OSBPL7: variants seen among roughly 807,000 people sequenced by gnomAD.
OSBPL7 encodes the protein oxysterol-binding protein-related protein 7.
Under a neutral mutation model 115.8 loss-of-function variants are expected in OSBPL7, and 66 were observed. That is an observed-to-expected ratio of 0.57 (90% CI 0.47 to 0.70). The LOEUF (loss-of-function observed/expected upper bound fraction) is 0.70, where lower values mean the gene tolerates loss of function less well. Ranked by LOEUF, OSBPL7 falls within the 30% of genes least tolerant of loss-of-function variation. OSBPL7 has a pLI of 0.00. For missense variants in OSBPL7, 902 were observed against 1,125.5 expected (o/e 0.80, Z 2.84); for synonymous variants, 441 against 439.2 (o/e 1.00, Z -0.05).
At position 47,814,536 on chromosome 17, in the gene OSBPL7, C is replaced by T. The variant is rs1178842901; in HGVS notation, c.1336G>A (p.Glu446Lys). 2 of 1,612,168 alleles carry T rather than the reference C, an allele frequency of 1.2e-6. No homozygotes were observed. Among genetic ancestry groups the T allele is most frequent in the Non-Finnish European group, 1.7e-6 (2 of 1,178,960 alleles). The change falls in exon 14 of 23, where the codon GAG becomes AAG. Residue 446 changes from glutamate (E) to lysine (K), a missense_variant. This residue lies in a region of OSBPL7 where 667 missense variants were observed against 788.7 expected (regional missense o/e 0.85). Coordinates refer to ENST00000007414, the MANE Select transcript of OSBPL7 (RefSeq NM_145798.3). ...CAGCTGGCACCTTTCTGACAGCGCT[C>T]AGCTCCCCTGAGGTCCAGCATCTCC... ...SEEMLDLRGA[E>K]RCQKGGCVPG...
chr17:47,807,951 A>C lies in OSBPL7; in HGVS notation c.*340T>G. 1 of 331,040 alleles carries C rather than the reference A, an allele frequency of 3.0e-6. No homozygotes were observed. The highest frequency in any genetic ancestry group is 5.8e-6 in the Non-Finnish European group (1 of 173,046). 20.5% of individuals were successfully genotyped at this position (331,040 alleles called of 1,614,324 possible). On this transcript the variant is annotated 3_prime_UTR_variant, in exon 23 of 23. Transcript: ENST00000007414. ...GTCAAGGAGTCCCCTGTGTCCTAGG[A>C]AGGCACTGAAATAGGGAACAGATCC... is the stretch of plus-strand genomic sequence containing the variant.
Position 47,816,498 on chromosome 17 carries a change from C to A in OSBPL7, c.929-16G>T. 2 of 1,552,210 alleles carry A rather than the reference C, an allele frequency of 1.3e-6. No homozygotes were observed. Among genetic ancestry groups the A allele is most frequent in the Non-Finnish European group, 8.7e-7 (1 of 1,147,954 alleles). On this transcript the variant is annotated splice_polypyrimidine_tract_variant and intron_variant, in intron 10 of 22. Transcript: ENST00000007414. The surrounding 1 kb of genome is among the most constrained non-coding windows in gnomAD (Gnocchi z 5.8). ...GAGCTGTGCACTACAGGGAGTGGGG[C>A]AGACCATCAGAGTCCTCGCTCGCTC...
intron 7 of OSBPL7, among the ~76,000 whole-genome samples, 193 bp downstream of exon 7, chr17:47,818,076 C>T (rs2033280307): frequency 6.6e-6 from 1 of 152,338 alleles, no homozygotes; most frequent in South Asian, 2.1e-4. Context: ...TCTATGTGCC[C>T]AGGCAGACTC....
Position 47,814,530 on chromosome 17 carries a change from A to G in OSBPL7, c.1342T>C (p.Cys448Arg). Residue 448 changes from cysteine (C) to arginine (R), a missense_variant, in exon 14 of 23, where the codon TGT (cysteine) becomes CGT (arginine). Physicochemically the swap from Cys to Arg is radical, Grantham distance 180 (BLOSUM62 -3). Transcript: ENST00000007414. ...EMLDLRGAER[C>R]QKGGCVPGRP... ...CCCACCCAGCTGGCACCTTTCTGAC[A>G]GCGCTCAGCTCCCCTGAGGTCCAGC... The G allele has an allele frequency of 1.3e-6, 2 of 1,567,728 alleles. No homozygotes were observed. The highest frequency in any genetic ancestry group is 1.7e-6 in the Non-Finnish European group (2 of 1,155,258).
At chr17:47,819,921 T>TGCC in intron 3 of OSBPL7, 50 bp downstream of exon 3, 27 of 1,343,802 alleles carry the variant, frequency 2.0e-5, no homozygotes, top group Non-Finnish European at 2.6e-5. Context: ...TGCCCCCCAT[T>TGCC]CCCACCCCGC....
intron 19 of OSBPL7, 29 bp downstream of exon 19, chr17:47,809,305 G>T: frequency 6.2e-7 from 1 of 1,611,576 alleles, no homozygotes; most frequent in South Asian, 1.1e-5. Flanking sequence ...GCCGGGGATG[G>T]ATGGGCAGGG....
At position 47,808,502 on chromosome 17, in the gene OSBPL7, T is replaced by TG. The variant is rs781028674; in HGVS notation, c.2420+35dup. 6.2e-7 allele frequency: 1 copy of TG among 1,614,094 alleles called. No homozygotes were observed. Among genetic ancestry groups the TG allele is most frequent in the Non-Finnish European group, 8.5e-7 (1 of 1,179,962 alleles). On this transcript the variant is annotated intron_variant, in intron 22 of 22. Transcript: ENST00000007414. This position sits in a 1 kb window ranked among gnomAD's most constrained non-coding sequence, Gnocchi z 6.1. ...CCTGCCCTGCTCCAAGCAGGGCTCA[T>TG]GGGGAGACCCAGGGCGGAGGGCGAG...
chr17:47,811,301 C>T (rs1176313379), intron 16 of OSBPL7, among the ~76,000 whole-genome samples: 2 of 152,058 alleles, frequency 1.3e-5, no homozygotes, highest in African/African-American at 4.8e-5. Context: ...CATCTGGAGC[C>T]TTCAATTCCA....
rs2033301187 is a variant in OSBPL7 at position 47,818,563 on chromosome 17, G to A, written c.423C>T (p.Arg141=). ...QSWVAQLRAH[R]LAHRLDMPRG... ...GGGGCATGTCCAGGCGGTGGGCTAG[G>A]CGGTGGGCACGCAGCTGCGCCACCC... The change falls in exon 6 of 23, where the codon CGC becomes CGT. Residue 141 remains arginine, a synonymous_variant. Transcript: ENST00000007414. 6.2e-7 allele frequency: 1 copy of A among 1,612,496 alleles called. No homozygotes were observed. Among genetic ancestry groups the A allele is most frequent in the African/African-American group, 1.3e-5 (1 of 75,050 alleles).
At chr17:47,811,185 T>C (rs983632153) in intron 16 of OSBPL7, among the ~76,000 whole-genome samples, 5 of 151,474 alleles carry the variant, frequency 3.3e-5, no homozygotes, top group African/African-American at 1.2e-4. Flanking sequence ...ATGACCCTCT[T>C]CCCCACCATC....
rs1263865650 is a variant in OSBPL7, at chr17:47,808,832, T to C, written c.2297+32A>G. ...TACTCTGTGGAGGGAGTGAACTAGA[T>C]GGTTCTAGGCCGGCACCCATCCGGC... On this transcript the variant is annotated intron_variant, in intron 21 of 22. Coordinates refer to ENST00000007414, the MANE Select transcript of OSBPL7 (RefSeq NM_145798.3). This position sits in a 1 kb window ranked among gnomAD's most constrained non-coding sequence, Gnocchi z 6.1. 4.3e-6 allele frequency: 7 copies of C among 1,612,622 alleles called. No homozygotes were observed. Among genetic ancestry groups the C allele is most frequent in the Non-Finnish European group, 5.9e-6 (7 of 1,178,834 alleles).
In OSBPL7 at chr17:47,816,904, A is replaced by C; in HGVS notation, c.703-32T>G. Reference sequence around the variant, plus strand: ...AGTCAAGGTGGGGGCAATTTTACTCACAGGGTGGGGAAAAGGGGCAGAAAC... The same window carrying C: ...AGTCAAGGTGGGGGCAATTTTACTCCCAGGGTGGGGAAAAGGGGCAGAAAC... On this transcript the variant is annotated intron_variant, in intron 8 of 22. Transcript: ENST00000007414. This position sits in a 1 kb window ranked among gnomAD's most constrained non-coding sequence, Gnocchi z 5.8. The C allele has an allele frequency of 7.5e-6, 12 of 1,603,056 alleles. No individual in the cohort carries two copies. Among genetic ancestry groups the C allele is most frequent in the African/African-American group, 1.3e-5 (1 of 74,744 alleles).
Position 47,820,383 on chromosome 17 carries a change from ACC to A in OSBPL7, c.-87-20_-87-19del. The A allele has an allele frequency of 9.0e-7, 1 of 1,113,642 alleles. No homozygotes were observed. The highest frequency in any genetic ancestry group is 2.6e-5 in the East Asian group (1 of 38,832). 69.0% of individuals were successfully genotyped at this position (1,113,642 alleles called of 1,614,324 possible). A position where few individuals can be genotyped will look rare whatever the true frequency, so the allele number is the denominator to read the frequency against. ...ACGGGGTCCTTGAAGCAAGAGAAAG[ACC>A]CCCTTAACGCAAACTCTGCTATCAC... On this transcript the variant is annotated intron_variant, in intron 1 of 22. Coordinates refer to ENST00000007414, the MANE Select transcript of OSBPL7 (RefSeq NM_145798.3).
Position 47,816,870 on chromosome 17 carries a change from G to A in OSBPL7, c.705C>T (p.Ala235=). The change falls in exon 9 of 23, where the codon GCC becomes GCT. Residue 235 remains alanine, a splice_region_variant and synonymous_variant. Coordinates refer to ENST00000007414, the MANE Select transcript of OSBPL7 (RefSeq NM_145798.3). This position sits in a 1 kb window ranked among gnomAD's most constrained non-coding sequence, Gnocchi z 5.8. ...PSAPVIPTHQ[A]SVTTERPKKG... ...TCTTGGGTCTTTCGGTTGTCACTGA[G>A]GCCTGGCAAGTCAAGGTGGGGGCAA... 6.2e-7 allele frequency: 1 copy of A among 1,613,926 alleles called. No homozygotes were observed. The highest frequency in any genetic ancestry group is 8.5e-7 in the Non-Finnish European group (1 of 1,180,022).
intron 4 of OSBPL7, chr17:47,819,415 T>C: frequency 1.8e-6 from 1 of 565,644 alleles, no homozygotes; most frequent in Non-Finnish European, 3.2e-6. Context: ...AGTTCCTTGT[T>C]CCCAGCCTGA....
Position 47,815,212 on chromosome 17 carries a change from C to T in OSBPL7, c.1257+3G>A. ...CTCACTGCCAGCTTCTCTCCTCCCTCACCTCATTCTCAGAAGAGCTGGCGG... is the reference window on the plus strand; with the variant it reads ...CTCACTGCCAGCTTCTCTCCTCCCTTACCTCATTCTCAGAAGAGCTGGCGG... On this transcript the variant is annotated splice_donor_region_variant and intron_variant, in intron 13 of 22. Coordinates refer to ENST00000007414, the MANE Select transcript of OSBPL7 (RefSeq NM_145798.3). 6.2e-7 allele frequency: 1 copy of T among 1,611,520 alleles called. No individual in the cohort carries two copies. The highest frequency in any genetic ancestry group is 1.1e-5 in the South Asian group (1 of 91,030).
chr17:47,810,823 G>T lies in OSBPL7; in HGVS notation c.1750C>A (p.Pro584Thr). Residue 584 changes from proline to threonine, a missense_variant, in exon 17 of 23, where the codon CCC (proline) becomes ACC (threonine). By Grantham distance (38) the Pro-to-Thr change is conservative. This residue lies in a region of OSBPL7 where 667 missense variants were observed against 788.7 expected (regional missense o/e 0.85). Transcript: ENST00000007414. The part of the protein sequence containing the change: ...RFISEQVSHH[P>T]PISACHAESE... ...TCTGCATGGCAGGCCGAGATAGGGG[G>T]GTGGTGGGAGACCTTGGTGAGCAAA... 6.2e-7 allele frequency: 1 copy of T among 1,613,704 alleles called. No individual in the cohort carries two copies. The highest frequency in any genetic ancestry group is 2.2e-5 in the East Asian group (1 of 44,882).
In OSBPL7 at chr17:47,808,179, C is replaced by A; in HGVS notation, c.*112G>T. ...AGGGGAGGGAGGGCCAGGGCTGCCCCTTTGGTCTCAAGGGCAGTGAGGCGG... is the reference window on the plus strand; with the variant it reads ...AGGGGAGGGAGGGCCAGGGCTGCCCATTTGGTCTCAAGGGCAGTGAGGCGG... On this transcript the variant is annotated 3_prime_UTR_variant, in exon 23 of 23. Coordinates refer to ENST00000007414, the MANE Select transcript of OSBPL7 (RefSeq NM_145798.3). This position sits in a 1 kb window ranked among gnomAD's most constrained non-coding sequence, Gnocchi z 6.1. The A allele has an allele frequency of 2.5e-6, 2 of 806,942 alleles. No individual in the cohort carries two copies. Among genetic ancestry groups the A allele is most frequent in the Non-Finnish European group, 2.0e-6 (1 of 500,650 alleles). The allele number at this position is 806,942 out of a possible 1,614,324, so 50.0% of individuals were successfully genotyped here.
At chr17:47,813,856 A>T (rs762749405) in intron 14 of OSBPL7, 22 bp from the exon 15 acceptor site, 3 of 1,590,774 alleles carry the variant, frequency 1.9e-6, no homozygotes, top group Non-Finnish European at 2.6e-6. Flanking sequence ...CTGCCATGTC[A>T]CTCTCCATCT....
Sources: gnomAD v4.1 joint callset for allele counts (sites outside exome capture counted in the v4.1 genomes callset) on GRCh38, gnomAD v4.1.1 for gene constraint, gnomAD v4.1.1 regional missense constraint, Gnocchi (gnomAD v3.1) non-coding constraint, MANE v1.5 for transcripts, NCBI Gene and HGNC (gene_info 2026-07-23, HGNC 2026-07-21) for gene names.